CARMIL1: variants seen among roughly 807,000 people sequenced by gnomAD.
CARMIL1 encodes F-actin-uncapping protein LRRC16A.
A neutral mutation model predicts 177.1 loss-of-function variants in CARMIL1; 90 were observed. The ratio of observed to expected loss-of-function variants is 0.51; its 90% CI spans 0.43 to 0.61. The LOEUF (loss-of-function observed/expected upper bound fraction) is 0.61. Ranked by LOEUF, CARMIL1 falls within the 20% of genes least tolerant of loss-of-function variation. CARMIL1 has a pLI of 0.00. For synonymous variants in CARMIL1, 577 were observed against 606.2 expected (o/e 0.95, Z 0.71); for missense variants, 1,380 against 1,667.0 (o/e 0.83, Z 3.00).
intron 16 of CARMIL1, among the ~76,000 whole-genome samples, chr6:25,499,122 C>T (rs147901841): frequency 3.3e-5 from 5 of 152,290 alleles, no homozygotes; most frequent in African/African-American, 9.6e-5. Flanking sequence ...AAGAAAGTCT[C>T]AGAGACTTGG....
chr6:25,484,185 A>G (rs1238283176), intron 12 of CARMIL1, among the ~76,000 whole-genome samples: 1 of 152,176 alleles, frequency 6.6e-6, no homozygotes, highest in Admixed American at 6.5e-5. Flanking sequence ...GCATGTGTCC[A>G]TCACATTTGA....
At chr6:25,297,279 G>C (rs1782480143) in intron 2 of CARMIL1, among the ~76,000 whole-genome samples, 1 of 152,198 alleles carries the variant, frequency 6.6e-6, no homozygotes, top group South Asian at 2.1e-4. Flanking sequence ...TATTTGGCTT[G>C]GGTGTACAGA....
rs375252687 is a variant in CARMIL1, at chr6:25,619,519, G to C, written c.4052G>C (p.Gly1351Ala). Reference sequence around the variant, plus strand: ...AAGCAACGGTCCTCCAGTAAAGATGGCCATCAAGGCAGCAAATCTAATGAC... The same window carrying C: ...AAGCAACGGTCCTCCAGTAAAGATGCCCATCAAGGCAGCAAATCTAATGAC... Reference protein sequence around the residue: ...EQKQRSSSKDGHQGSKSNDSG... With the variant: ...EQKQRSSSKDAHQGSKSNDSG... Residue 1351 changes from glycine to alanine, a missense_variant, in exon 37 of 37, where the codon GGC (glycine) becomes GCC (alanine). Physicochemically the swap from Gly to Ala is moderately conservative, Grantham distance 60. Transcript: ENST00000329474. 5 of 1,613,732 alleles carry C rather than the reference G, an allele frequency of 3.1e-6. No individual in the cohort carries two copies. Among genetic ancestry groups the C allele is most frequent in the African/African-American group, 1.3e-5 (1 of 74,904 alleles).
At chr6:25,595,391 G>A (rs893525151) in intron 32 of CARMIL1, among the ~76,000 whole-genome samples, 7 of 152,160 alleles carry the variant, frequency 4.6e-5, no homozygotes, top group African/African-American at 1.7e-4. Flanking sequence ...ATCTTGCCTC[G>A]GCAGGATGGT....
chr6:25,296,935 T>TCTATCTATCTATCTATC (rs11414122), intron 2 of CARMIL1, among the ~76,000 whole-genome samples: 1 of 136,344 alleles, frequency 7.3e-6, no homozygotes, highest in African/African-American at 2.8e-5. Context: ...CTATCTATCT[T>TCTATCTATCTATCTATC]TAACTAACTA....
chr6:25,520,505 T>G (rs887038334), intron 23 of CARMIL1, among the ~76,000 whole-genome samples, 168 bp downstream of exon 23: 2 of 152,170 alleles, frequency 1.3e-5, no homozygotes, highest in African/African-American at 4.8e-5. Flanking sequence ...AATGCATGAC[T>G]GGGGGAGGAG....
chr6:25,425,308 A>G (rs1796193112), intron 3 of CARMIL1, among the ~76,000 whole-genome samples: 2 of 152,096 alleles, frequency 1.3e-5, no homozygotes, highest in South Asian at 4.1e-4. Flanking sequence ...ATGTTGTTTA[A>G]CTGGAGATTC....
intron 13 of CARMIL1, among the ~76,000 whole-genome samples, chr6:25,491,429 G>A (rs575843867): frequency 1.3e-5 from 2 of 152,228 alleles, no homozygotes; most frequent in Admixed American, 1.3e-4. Context: ...GAATTAGCAC[G>A]GTTCCAAAAT....
chr6:25,582,053 C>T (rs1204836327), intron 31 of CARMIL1, among the ~76,000 whole-genome samples: 1 of 152,198 alleles, frequency 6.6e-6, no homozygotes, highest in Non-Finnish European at 1.5e-5. Context: ...TATAGCTAAA[C>T]TTCTTGAAAA....
intron 5 of CARMIL1, among the ~76,000 whole-genome samples, chr6:25,439,322 T>A (rs779441991): frequency 9.9e-5 from 15 of 152,162 alleles, no homozygotes; most frequent in Admixed American, 2.0e-4. Flanking sequence ...TTTGTGAGGC[T>A]GGGGCTTGGA....
chr6:25,339,916 G>A (rs374591541), intron 2 of CARMIL1, among the ~76,000 whole-genome samples: 1 of 152,152 alleles, frequency 6.6e-6, no homozygotes, highest in Non-Finnish European at 1.5e-5. Context: ...ACGTGGTGGA[G>A]GTTATGGTGA....
chr6:25,379,092 C>T (rs1402971493), intron 2 of CARMIL1, among the ~76,000 whole-genome samples: 2 of 152,062 alleles, frequency 1.3e-5, no homozygotes, highest in African/African-American at 4.8e-5. Flanking sequence ...CACACATACC[C>T]ATAAGATTAT....
At chr6:25,549,669 A>G (rs575729107) in intron 26 of CARMIL1, among the ~76,000 whole-genome samples, 40 of 152,258 alleles carry the variant, frequency 2.6e-4, no homozygotes, top group African/African-American at 9.1e-4. Flanking sequence ...GCAATGAGAA[A>G]TTTTATTGGT....
chr6:25,372,146 G>T (rs543655340), intron 2 of CARMIL1, among the ~76,000 whole-genome samples: 4 of 152,224 alleles, frequency 2.6e-5, no homozygotes, highest in African/African-American at 9.6e-5. Context: ...TGCTGTTTTG[G>T]TAACTATAAC....
In CARMIL1 at chr6:25,359,249, A is replaced by G. The variant is rs187075413; in HGVS notation, c.139-60865A>G. 4.2e-3 allele frequency among the ~76,000 whole-genome samples: 634 copies of G among 152,262 alleles called. 2 individuals carry two copies. Among genetic ancestry groups the G allele is most frequent in the African/African-American group, 0.015 (612 of 41,544 alleles). On this transcript the variant is annotated intron_variant, in intron 2 of 36. Coordinates refer to ENST00000329474, the MANE Select transcript of CARMIL1 (RefSeq NM_017640.6). ...CTTGGACTCACTGATTTGTGCTGACACCCATTCAGCCCTGCCGTTGGAACT... is the reference window on the plus strand; with the variant it reads ...CTTGGACTCACTGATTTGTGCTGACGCCCATTCAGCCCTGCCGTTGGAACT...
At chr6:25,617,378 A>G (rs991104852) in intron 36 of CARMIL1, among the ~76,000 whole-genome samples, 1 of 151,924 alleles carries the variant, frequency 6.6e-6, no homozygotes, top group Non-Finnish European at 1.5e-5. Flanking sequence ...ATACAACATG[A>G]GTTAGACCCA....
At chr6:25,457,832 A>G (rs1207473409) in intron 8 of CARMIL1, among the ~76,000 whole-genome samples, 1 of 152,184 alleles carries the variant, frequency 6.6e-6, no homozygotes, top group Admixed American at 6.5e-5. Context: ...AAGAATAATC[A>G]TGATGTTGTT....
At chr6:25,302,990 G>T (rs963595986) in intron 2 of CARMIL1, among the ~76,000 whole-genome samples, 21 of 152,148 alleles carry the variant, frequency 1.4e-4, no homozygotes, top group Admixed American at 3.9e-4. Context: ...CAAATGAGCT[G>T]CCTCTCTTGT....
rs1209835423 is a variant in CARMIL1 at position 25,610,344 on chromosome 6, AACTTGAT to A, written c.3979+164_3979+170del. Among the ~76,000 whole-genome samples the A allele has an allele frequency of 7.2e-5, 11 of 152,316 alleles. No homozygotes were observed. The East Asian group carries it at 2.1e-3, about 29-fold the overall frequency. On this transcript the variant is annotated intron_variant, in intron 36 of 36. Transcript: ENST00000329474. ...AAATGGAGTAGTTTCTTAGTTCAGA[AACTTGAT>A]TCAGCATGATTGATGACATTGGATC...
Sources: gnomAD v4.1 joint callset for allele counts (sites outside exome capture counted in the v4.1 genomes callset) on GRCh38, gnomAD v4.1.1 for gene constraint, MANE v1.5 for transcripts, NCBI Gene and HGNC (gene_info 2026-07-23, HGNC 2026-07-21) for gene names.